PPP2R2D: variants seen among roughly 807,000 people sequenced by gnomAD.
PPP2R2D encodes protein phosphatase 2 regulatory subunit Bdelta.
Under a neutral mutation model 31.1 loss-of-function variants are expected in PPP2R2D, and 9 were observed. The observed-to-expected ratio is 0.29, with a 90% CI of 0.17 to 0.51. The LOEUF is 0.51. PPP2R2D is among the 20% of genes least tolerant of loss of function. PPP2R2D has a pLI of 0.98. For missense variants in PPP2R2D, 391 were observed against 465.6 expected (o/e 0.84, Z 1.48); for synonymous variants, 179 against 172.6 (o/e 1.04, Z -0.29).
chr10:131,926,050 T>A (rs1554894872), intron 2 of PPP2R2D, among the ~76,000 whole-genome samples: 2 of 152,312 alleles, frequency 1.3e-5, no homozygotes, highest in Admixed American at 6.5e-5. Context: ...CCCCACCCCA[T>A]GCACAATGAC....
At chr10:131,968,690 C>A in the PPP2R2D span, 2 of 737,454 alleles carry the variant, frequency 2.7e-6, no homozygotes, top group Non-Finnish European at 4.5e-6. Context: ...GATTTTATAC[C>A]CATTATAAAA....
At chr10:131,922,325 A>G (rs1554894353) in intron 2 of PPP2R2D, among the ~76,000 whole-genome samples, 1 of 152,200 alleles carries the variant, frequency 6.6e-6, no homozygotes, top group Non-Finnish European at 1.5e-5. Context: ...AGTGAATGTT[A>G]AGTATTCCTC....
chr10:131,946,306 G>A (rs1554897976), intron 7 of PPP2R2D, among the ~76,000 whole-genome samples: 1 of 152,202 alleles, frequency 6.6e-6, no homozygotes, highest in East Asian at 1.9e-4. Context: ...ACTGTAGTCA[G>A]CGTGTCCCAG....
At chr10:131,909,803 A>G (rs2035653671) in intron 2 of PPP2R2D, among the ~76,000 whole-genome samples, 2 of 152,250 alleles carry the variant, frequency 1.3e-5, no homozygotes, top group South Asian at 2.1e-4. Context: ...TGTTTTCTAT[A>G]TTTGAAATTA....
intron 2 of PPP2R2D, among the ~76,000 whole-genome samples, chr10:131,920,138 G>GTGTT (rs55893593): frequency 0.95 from 130,166 of 136,732 alleles, 61,980 homozygotes; most frequent in East Asian, 0.99. Context: ...GAATTACACA[G>GTGTT]TGTAGGGACC....
intron 2 of PPP2R2D, among the ~76,000 whole-genome samples, chr10:131,926,359 T>C (rs1026080400): frequency 6.6e-6 from 1 of 152,174 alleles, no homozygotes. Context: ...TGTGTGCGTG[T>C]GCATCTGTGT....
At chr10:131,913,810 A>G (rs995697013) in intron 2 of PPP2R2D, among the ~76,000 whole-genome samples, 1 of 152,206 alleles carries the variant, frequency 6.6e-6, no homozygotes, top group Non-Finnish European at 1.5e-5. Context: ...CCATGAAAAC[A>G]GGCAATCCTG....
intron 2 of PPP2R2D, among the ~76,000 whole-genome samples, chr10:131,918,309 T>C (rs1332068752): frequency 5.6e-5 from 8 of 143,466 alleles, no homozygotes; most frequent in Admixed American, 6.9e-5. Flanking sequence ...TGTAGGGATC[T>C]CACGTGGGTG....
chr10:131,953,094 TAGC>T (rs546196025), intron 8 of PPP2R2D, among the ~76,000 whole-genome samples: 4 of 125,218 alleles, frequency 3.2e-5, no homozygotes, highest in East Asian at 2.6e-4. Context: ...TTCACTGTCT[TAGC>T]AGTGACTTGC....
chr10:131,905,003 A>G (rs2035560526), intron 2 of PPP2R2D, among the ~76,000 whole-genome samples: 2 of 149,160 alleles, frequency 1.3e-5, no homozygotes, highest in Admixed American at 6.6e-5. Flanking sequence ...TTTTTAAAAG[A>G]ATTGGGTTTA....
intron 2 of PPP2R2D, among the ~76,000 whole-genome samples, chr10:131,926,898 A>C (rs1383650824): frequency 2.0e-5 from 3 of 152,178 alleles, no homozygotes; most frequent in Non-Finnish European, 4.4e-5. Context: ...ACTCGTTGCC[A>C]GAGTAGGGGT....
chr10:131,935,528 C>A (rs562513292), intron 3 of PPP2R2D, among the ~76,000 whole-genome samples: 1 of 152,168 alleles, frequency 6.6e-6, no homozygotes, highest in Non-Finnish European at 1.5e-5. Flanking sequence ...TGTCCCTGGG[C>A]CACATGAGGA....
In PPP2R2D at chr10:131,945,308, C is replaced by G; in HGVS notation, c.669C>G (p.Ile223Met). 6.2e-7 allele frequency: 1 copy of G among 1,613,684 alleles called. No individual in the cohort carries two copies. Among genetic ancestry groups the G allele is most frequent in the Non-Finnish European group, 8.5e-7 (1 of 1,179,738 alleles). ...ATGCACTCCCAGACATCGTGGACAT[C>G]AAGCCTGCTAACATGGAGGAGCTGA... The part of the protein sequence containing the change: ...ITDRSFNIVD[I>M]KPANMEELTE... Residue 223 changes from isoleucine to methionine, a missense_variant, in exon 7 of 9, where the codon ATC (isoleucine) becomes ATG (methionine). Ile to Met is a conservative substitution (Grantham distance 10, BLOSUM62 1). Around this residue, in one of 3 missense-constraint regions of PPP2R2D, gnomAD observed 123 missense variants for 187.7 expected, o/e 0.66. Transcript: ENST00000455566. This position sits in a 1 kb window ranked among gnomAD's most constrained non-coding sequence, Gnocchi z 4.8.
intron 2 of PPP2R2D, among the ~76,000 whole-genome samples, chr10:131,903,834 G>A (rs933199035): frequency 3.9e-5 from 6 of 152,222 alleles, no homozygotes; most frequent in African/African-American, 1.4e-4. Flanking sequence ...TTAGTCACCA[G>A]GGATTGCTGA....
intron 2 of PPP2R2D, among the ~76,000 whole-genome samples, chr10:131,925,329 A>G (rs1248186103): frequency 2.6e-5 from 4 of 152,146 alleles, no homozygotes; most frequent in Non-Finnish European, 5.9e-5. Flanking sequence ...TTTTATTCTT[A>G]GTTGGTTGAG....
At position 131,917,537 on chromosome 10, in the gene PPP2R2D, G is replaced by A. The variant is rs1269201548; in HGVS notation, c.100+16207G>A. Among the ~76,000 whole-genome samples the A allele has an allele frequency of 1.6e-3, 194 of 122,762 alleles. 13 individuals are homozygous for A. Among genetic ancestry groups the A allele is most frequent in the Middle Eastern group, 4.8e-3 (1 of 210 alleles). The allele number at this position is 122,762 out of a possible 152,430, so 80.5% of individuals were successfully genotyped here. A position where few individuals can be genotyped will look rare whatever the true frequency, so the allele number is the denominator to read the frequency against. On this transcript the variant is annotated intron_variant, in intron 2 of 8. Transcript: ENST00000455566. Reference sequence around the variant, plus strand: ...CACAGTGTTTGTAGGGACCTCAGGCGGGTGGAATGACACAGTGTTTGTAGG... The same window carrying A: ...CACAGTGTTTGTAGGGACCTCAGGCAGGTGGAATGACACAGTGTTTGTAGG...
intron 2 of PPP2R2D, among the ~76,000 whole-genome samples, chr10:131,933,595 G>A (rs139327795): frequency 1.5e-4 from 23 of 152,266 alleles, no homozygotes; most frequent in South Asian, 2.1e-4. Context: ...TCCTCAGTCC[G>A]CACGCGACAC....
At chr10:131,904,559 G>C (rs2035553107) in intron 2 of PPP2R2D, among the ~76,000 whole-genome samples, 1 of 152,196 alleles carries the variant, frequency 6.6e-6, no homozygotes, top group Non-Finnish European at 1.5e-5. Flanking sequence ...ATCGTGCACT[G>C]CTGCTCAGGC....
In PPP2R2D at chr10:131,955,915, C is replaced by T. The variant is rs782589240; in HGVS notation, c.1314C>T (p.Ala438=). 6.9e-6 allele frequency: 11 copies of T among 1,584,906 alleles called. No individual in the cohort carries two copies. The highest frequency in any genetic ancestry group is 2.3e-5 in the East Asian group (1 of 43,048). The change falls in exon 9 of 9, where the codon GCC becomes GCT. Residue 438 remains alanine (A), a synonymous_variant. Coordinates refer to ENST00000455566, the MANE Select transcript of PPP2R2D (RefSeq NM_018461.5). ...GGCACCCCGTGGACAATGTCATTGC[C>T]GTGGCTGCCACCAATAACTTGTACA... ...TAWHPVDNVI[A]VAATNNLYIF...
Sources: allele counts gnomAD v4.1 joint callset (sites outside exome capture counted in the v4.1 genomes callset), GRCh38; gene constraint gnomAD v4.1.1; regional missense constraint gnomAD v4.1.1; non-coding constraint Gnocchi (gnomAD v3.1); transcripts MANE v1.5; gene names NCBI Gene and HGNC (gene_info 2026-07-23, HGNC 2026-07-21).